Variants in GNG7 observed in about 807,000 individuals in gnomAD.
GNG7 encodes G protein subunit gamma 7.
GNG7 carries 1 observed loss-of-function variant against 4.0 expected under a neutral mutation model. The observed-to-expected ratio is 0.25, with a 90% CI of 0.09 to 1.18. The LOEUF is 1.18. Ranked by LOEUF, GNG7 falls within the 50% of genes most tolerant of loss-of-function variation. GNG7 has a pLI of 0.50. For synonymous variants in GNG7, 34 were observed against 36.9 expected (o/e 0.92, Z 0.29); for missense variants, 86 against 91.9 (o/e 0.94, Z 0.26).
chr19:2,552,650 G>T (rs1329679462), intron 3 of GNG7, among the ~76,000 whole-genome samples: 6 of 151,474 alleles, frequency 4.0e-5, no homozygotes, highest in Non-Finnish European at 8.8e-5. Flanking sequence ...CTCCCAAAAT[G>T]CTGGGGTTAT....
rs369774081 is a variant in GNG7 at position 2,601,249 on chromosome 19, G to A, written c.-78+44975C>T. Among the ~76,000 whole-genome samples, 17 of 152,236 alleles carry A rather than the reference G, an allele frequency of 1.1e-4. No homozygotes were observed. The East Asian group carries it at 1.7e-3, about 16-fold the overall frequency. On this transcript the variant is annotated intron_variant, in intron 2 of 4. Coordinates refer to ENST00000382159, the MANE Select transcript of GNG7 (RefSeq NM_052847.3). ...CATTCTAGTTCCATCCAGATGGCCCGGGGTACAGCTGGGATGCCTGTTGTC... is the reference window on the plus strand; with the variant it reads ...CATTCTAGTTCCATCCAGATGGCCCAGGGTACAGCTGGGATGCCTGTTGTC...
In GNG7 at chr19:2,581,206, G is replaced by C. The variant is rs771388574; in HGVS notation, c.-77-26018C>G. Among the ~76,000 whole-genome samples the C allele has an allele frequency of 8.0e-4, 121 of 151,912 alleles. 1 individual carries two copies. Among genetic ancestry groups the C allele is most frequent in the Non-Finnish European group, 7.5e-4 (51 of 67,988 alleles). ...TAGAAGTGCCTTCGCCGCAGGCCCA[G>C]CCTGAAAGTGATTAATCTCTGCTTC... On this transcript the variant is annotated intron_variant, in intron 2 of 4. Transcript: ENST00000382159.
At chr19:2,568,370 CATAT>C (rs574439934) in intron 2 of GNG7, among the ~76,000 whole-genome samples, 1 of 150,708 alleles carries the variant, frequency 6.6e-6, no homozygotes. Flanking sequence ...CACATACACA[CATAT>C]AGACACACAT....
At chr19:2,562,440 C>T (rs907706960) in intron 2 of GNG7, among the ~76,000 whole-genome samples, 11 of 152,032 alleles carry the variant, frequency 7.2e-5, no homozygotes, top group African/African-American at 2.2e-4. Flanking sequence ...TGAGCCACCG[C>T]GCCCCGCTCC....
chr19:2,637,200 C>T (rs1005681617), intron 2 of GNG7, among the ~76,000 whole-genome samples: 1 of 121,552 alleles, frequency 8.2e-6, no homozygotes, highest in African/African-American at 3.1e-5. Context: ...TTCAGAGGCC[C>T]CAGGAACAGG....
At chr19:2,527,331 G>C (rs73516638) in intron 3 of GNG7, among the ~76,000 whole-genome samples, 1 of 152,082 alleles carries the variant, frequency 6.6e-6, no homozygotes, top group Non-Finnish European at 1.5e-5. Flanking sequence ...CACTCCCACC[G>C]GCCCTCATCT....
chr19:2,527,494 G>A (rs774922937), intron 3 of GNG7, among the ~76,000 whole-genome samples: 8 of 152,202 alleles, frequency 5.3e-5, no homozygotes, highest in Non-Finnish European at 1.0e-4. Context: ...TGGCCTAAAC[G>A]TTTGCTGAGC....
At chr19:2,540,838 C>T (rs937232666) in intron 3 of GNG7, among the ~76,000 whole-genome samples, 2 of 152,198 alleles carry the variant, frequency 1.3e-5, no homozygotes, top group Non-Finnish European at 2.9e-5. Context: ...GCCGTGACAG[C>T]GAGACCCAGA....
chr19:2,585,189 A>G (rs1405914207), intron 2 of GNG7, among the ~76,000 whole-genome samples: 1 of 152,314 alleles, frequency 6.6e-6, no homozygotes. Context: ...TTAATGGGGC[A>G]TGATGTCTCC....
chr19:2,671,124 C>T (rs1983441530), intron 1 of GNG7, among the ~76,000 whole-genome samples: 1 of 151,896 alleles, frequency 6.6e-6, no homozygotes, highest in Admixed American at 6.6e-5. Context: ...TCACCCTGGG[C>T]ACGGCAGGGT....
chr19:2,519,851 C>T (rs1290138672), intron 4 of GNG7, among the ~76,000 whole-genome samples: 1 of 152,086 alleles, frequency 6.6e-6, no homozygotes, highest in Non-Finnish European at 1.5e-5. Context: ...AAATAAATCT[C>T]GACAAGGCGC....
intron 2 of GNG7, among the ~76,000 whole-genome samples, chr19:2,625,053 G>T (rs948956097): frequency 3.3e-5 from 5 of 152,180 alleles, no homozygotes; most frequent in African/African-American, 1.2e-4. Context: ...TGCATGTGTT[G>T]TCCCCTGGGG....
At chr19:2,663,144 G>GA (rs1983220931) in intron 1 of GNG7, among the ~76,000 whole-genome samples, 2 of 152,162 alleles carry the variant, frequency 1.3e-5, no homozygotes, top group Admixed American at 1.3e-4. Flanking sequence ...CAAAGGGAAG[G>GA]AAGGGCTGAT....
At position 2,633,695 on chromosome 19, in the gene GNG7, G is replaced by A. The variant is rs1383283934; in HGVS notation, c.-78+12529C>T. Among the ~76,000 whole-genome samples, 1 of 151,948 alleles carries A rather than the reference G, an allele frequency of 6.6e-6. No homozygotes were observed. The highest frequency in any genetic ancestry group is 2.4e-5 in the African/African-American group (1 of 41,378). Reference sequence around the variant, plus strand: ...GAGGACATCGGTGGGCTTGAAAACGGGTGTCTGTTTACCGGGGCTTGAGTG... The same window carrying A: ...GAGGACATCGGTGGGCTTGAAAACGAGTGTCTGTTTACCGGGGCTTGAGTG... On this transcript the variant is annotated intron_variant, in intron 2 of 4. Coordinates refer to ENST00000382159, the MANE Select transcript of GNG7 (RefSeq NM_052847.3). This position sits in a 1 kb window ranked among gnomAD's most constrained non-coding sequence, Gnocchi z 5.9.
intron 2 of GNG7, among the ~76,000 whole-genome samples, chr19:2,563,645 C>A (rs1979814737): frequency 6.6e-6 from 1 of 152,138 alleles, no homozygotes; most frequent in South Asian, 2.1e-4. Flanking sequence ...CCACGCCTGG[C>A]TAATTTTGGA....
intron 2 of GNG7, among the ~76,000 whole-genome samples, chr19:2,608,316 GA>G (rs113405422): frequency 0.2 from 29,074 of 144,466 alleles, 3,367 homozygotes; most frequent in Non-Finnish European, 0.28. Context: ...TTGCCCCTGG[GA>G]AAAAAAAAAA....
At chr19:2,598,974 G>T (rs960131379) in intron 2 of GNG7, among the ~76,000 whole-genome samples, 1 of 152,212 alleles carries the variant, frequency 6.6e-6, no homozygotes, top group African/African-American at 2.4e-5. Flanking sequence ...TCCAAAATTG[G>T]AAAGTGAAGT....
At chr19:2,603,831 C>A (rs1411295704) in intron 2 of GNG7, among the ~76,000 whole-genome samples, 1 of 149,128 alleles carries the variant, frequency 6.7e-6, no homozygotes, top group African/African-American at 2.6e-5. Context: ...GGGAGAAGTG[C>A]CTGTTCTTTT....
At position 2,540,092 on chromosome 19, in the gene GNG7, T is replaced by C. The variant is rs545279612; in HGVS notation, c.-38+15057A>G. 1.4e-4 allele frequency among the ~76,000 whole-genome samples: 19 copies of C among 132,112 alleles called. No homozygotes were observed. The South Asian group carries it at 3.6e-3, about 25-fold the overall frequency. 86.7% of individuals were successfully genotyped at this position (132,112 alleles called of 152,430 possible). A position where few individuals can be genotyped will look rare whatever the true frequency, so the allele number is the denominator to read the frequency against. On this transcript the variant is annotated intron_variant, in intron 3 of 4. Coordinates refer to ENST00000382159, the MANE Select transcript of GNG7 (RefSeq NM_052847.3). ...TCCCTCCCTCTCTCTCTCTCTCTGT[T>C]TCTTTCTCAATTTCTTTCTTTTCTT...
Sources: allele counts gnomAD v4.1 joint callset (sites outside exome capture counted in the v4.1 genomes callset), GRCh38; gene constraint gnomAD v4.1.1; non-coding constraint Gnocchi (gnomAD v3.1); transcripts MANE v1.5; gene names NCBI Gene and HGNC (gene_info 2026-07-23, HGNC 2026-07-21).